The following ZNF385D variants were observed in gnomAD, a reference collection of about 807,000 sequenced individuals.
The protein encoded by ZNF385D is zinc finger protein 385D.
ZNF385D carries 15 observed loss-of-function variants against 35.8 expected under a neutral mutation model. The observed-to-expected ratio is 0.42, with a 90% CI of 0.28 to 0.64. The LOEUF is 0.64. ZNF385D is among the 30% of genes least tolerant of loss of function. ZNF385D has a pLI of 0.23. For missense variants in ZNF385D, 474 were observed against 494.6 expected (o/e 0.96, Z 0.39); for synonymous variants, 212 against 186.8 (o/e 1.13, Z -1.10).
At chr3:22,131,560 T>C (rs1609178) in intron 3 of ZNF385D, among the ~76,000 whole-genome samples, 5,002 of 151,938 alleles carry the variant, frequency 0.033, 241 homozygotes, top group African/African-American at 0.11. Context: ...CAGGAGAGAA[T>C]GGAAGGAACT....
rs149836783 is a variant in ZNF385D at position 22,223,110 on chromosome 3, A to G, written c.107-54075T>C. Among the ~76,000 whole-genome samples, 3 of 152,278 alleles carry G rather than the reference A, an allele frequency of 2.0e-5. No homozygotes were observed. In the East Asian group the frequency reaches 5.8e-4, roughly 29 times the overall value. ...ATTTAAAGTTTTTAATGTAAGAACT[A>G]TGATAATTATATTTTAGTTCTCTAG... is the stretch of plus-strand genomic sequence containing the variant. On this transcript the variant is annotated intron_variant, in intron 2 of 5. Coordinates refer to the ZNF385D transcript ENST00000494108.
intron 1 of ZNF385D, among the ~76,000 whole-genome samples, chr3:21,734,335 TA>T: frequency 6.7e-6 from 1 of 149,172 alleles, no homozygotes; most frequent in Non-Finnish European, 1.5e-5. Context: ...GAGAAAAGAA[TA>T]ATTACTTTTT....
intron 3 of ZNF385D, among the ~76,000 whole-genome samples, chr3:21,957,729 A>G (rs770385436): frequency 1.3e-5 from 2 of 152,034 alleles, no homozygotes; most frequent in Admixed American, 1.3e-4. Flanking sequence ...TTTCTCCTAC[A>G]TGGATTTTCC....
rs367596722 is a variant in ZNF385D at position 22,111,008 on chromosome 3, G to A, written c.325+57809C>T. On this transcript the variant is annotated intron_variant, in intron 3 of 5. Coordinates refer to the ZNF385D transcript ENST00000494108. ...CTGTGGTATTTAGTTTTATCAAACT[G>A]AGAAAGGTCACTCTAGTGTCATTGT... Among the ~76,000 whole-genome samples, 24 of 152,004 alleles carry A rather than the reference G, an allele frequency of 1.6e-4. 1 individual carries two copies. Among genetic ancestry groups the A allele is most frequent in the African/African-American group, 5.5e-4 (23 of 41,518 alleles).
intron 3 of ZNF385D, among the ~76,000 whole-genome samples, chr3:21,986,098 T>C (rs1264379173): frequency 1.0e-5 from 1 of 97,988 alleles, no homozygotes; most frequent in Non-Finnish European, 1.9e-5. Context: ...ATCAATTTTG[T>C]TGATCCTTTC....
chr3:22,283,630 G>A (rs1701880004), intron 2 of ZNF385D, among the ~76,000 whole-genome samples: 2 of 152,134 alleles, frequency 1.3e-5, no homozygotes, highest in Non-Finnish European at 2.9e-5. Flanking sequence ...TGAGCAAGAT[G>A]CTGTTCTGTG....
chr3:21,695,507 T>C (rs1029489267), intron 1 of ZNF385D, among the ~76,000 whole-genome samples: 1 of 152,136 alleles, frequency 6.6e-6, no homozygotes, highest in African/African-American at 2.4e-5. Context: ...ACAGTATATA[T>C]TATAGCCTAA....
At chr3:22,330,649 T>C (rs957091722) in intron 2 of ZNF385D, among the ~76,000 whole-genome samples, 1 of 152,334 alleles carries the variant, frequency 6.6e-6, no homozygotes, top group South Asian at 2.1e-4. Context: ...CATCTCACTC[T>C]GGTTCTCCTA....
Position 21,421,182 on chromosome 3 carries a change from A to G in ZNF385D, c.*32T>C. 1.3e-6 allele frequency: 2 copies of G among 1,577,818 alleles called. No homozygotes were observed. Among genetic ancestry groups the G allele is most frequent in the Non-Finnish European group, 1.7e-6 (2 of 1,149,954 alleles). On this transcript the variant is annotated 3_prime_UTR_variant, in exon 8 of 8. Transcript: ENST00000281523. Reference sequence around the variant, plus strand: ...TGTTTTGTTTTTTGTTTTTTGAAAAATTATTGCAGTACAATTACTCCTATT... The same window carrying G: ...TGTTTTGTTTTTTGTTTTTTGAAAAGTTATTGCAGTACAATTACTCCTATT...
chr3:21,936,703 GAATA>G (rs1701277382), intron 3 of ZNF385D, among the ~76,000 whole-genome samples: 2 of 152,062 alleles, frequency 1.3e-5, no homozygotes, highest in South Asian at 2.1e-4. Flanking sequence ...AGCTCAAGAT[GAATA>G]AATAAATGAT....
At chr3:21,810,912 T>C (rs1442819740) in intron 3 of ZNF385D, among the ~76,000 whole-genome samples, 1 of 151,310 alleles carries the variant, frequency 6.6e-6, no homozygotes, top group Non-Finnish European at 1.5e-5. Context: ...TGTACATATA[T>C]AATGAAAACA....
intron 3 of ZNF385D, among the ~76,000 whole-genome samples, chr3:21,816,131 C>G (rs1055554925): frequency 3.3e-5 from 5 of 152,086 alleles, no homozygotes; most frequent in Non-Finnish European, 5.9e-5. Flanking sequence ...ATTCAACAGC[C>G]CTTCATGCTA....
At chr3:22,094,864 G>A (rs1344674866) in intron 3 of ZNF385D, among the ~76,000 whole-genome samples, 1 of 151,970 alleles carries the variant, frequency 6.6e-6, no homozygotes, top group South Asian at 2.1e-4. Flanking sequence ...ACAGCCTCAT[G>A]GTTGCCAGAT....
At chr3:21,499,666 C>T (rs149574342) in intron 4 of ZNF385D, among the ~76,000 whole-genome samples, 40 of 150,526 alleles carry the variant, frequency 2.7e-4, no homozygotes, top group African/African-American at 6.8e-4. Flanking sequence ...AACCAAAAAA[C>T]GAAAAACAAT....
chr3:21,799,852 C>G (rs780564131), intron 3 of ZNF385D, among the ~76,000 whole-genome samples: 19 of 152,122 alleles, frequency 1.2e-4, no homozygotes, highest in Non-Finnish European at 2.5e-4. Context: ...AGATTTTCCT[C>G]TATGTTTTCT....
In ZNF385D at chr3:21,414,404, A is replaced by G. The variant is rs1700533529; in HGVS notation, c.*6810T>C. ...CAACCTTTTTTCAGGACAAAAGAGA[A>G]AGCTAATATAGCTACAAATGATGTA... On this transcript the variant is annotated 3_prime_UTR_variant, in exon 8 of 8. Transcript: ENST00000281523. 6.6e-6 allele frequency: 1 copy of G among 152,142 alleles called. No homozygotes were observed. Among genetic ancestry groups the G allele is most frequent in the African/African-American group, 2.4e-5 (1 of 41,450 alleles). The allele number at this position is 152,142 out of a possible 1,614,324, so 9.4% of individuals were successfully genotyped here. A position where few individuals can be genotyped will look rare whatever the true frequency, so the allele number is the denominator to read the frequency against.
chr3:21,782,627 T>C (rs373614007), intron 3 of ZNF385D, among the ~76,000 whole-genome samples: 5 of 152,116 alleles, frequency 3.3e-5, no homozygotes, highest in African/African-American at 9.7e-5. Context: ...GTCTCTGAAA[T>C]TGTTTCAAGT....
chr3:22,090,593 A>T (rs1241887700), intron 3 of ZNF385D, among the ~76,000 whole-genome samples: 1 of 152,196 alleles, frequency 6.6e-6, no homozygotes, highest in African/African-American at 2.4e-5. Context: ...TAGTGTAGTC[A>T]CAGGACCGAT....
chr3:22,274,578 C>T (rs1437357473), intron 2 of ZNF385D, among the ~76,000 whole-genome samples: 1 of 151,876 alleles, frequency 6.6e-6, no homozygotes, highest in Non-Finnish European at 1.5e-5. Flanking sequence ...GAGTCCATTG[C>T]AATCAAGATG....
Sources: gnomAD v4.1 joint callset for allele counts (sites outside exome capture counted in the v4.1 genomes callset) on GRCh38, gnomAD v4.1.1 for gene constraint, MANE v1.5 for transcripts, NCBI Gene and HGNC (gene_info 2026-07-23, HGNC 2026-07-21) for gene names.